The following CSNK1G3 variants were observed in gnomAD, a reference collection of about 807,000 sequenced individuals.
The protein encoded by CSNK1G3 is casein kinase 1 gamma 3.
In CSNK1G3, 23 loss-of-function variants were observed where a neutral mutation model predicts 64.3. The ratio of observed to expected loss-of-function variants is 0.36; its 90% CI spans 0.26 to 0.51. The LOEUF (loss-of-function observed/expected upper bound fraction) is 0.51, where lower values mean the gene tolerates loss of function less well. Among genes scored for constraint, CSNK1G3 ranks in the 20% least tolerant of loss-of-function variants. The pLI is 0.96. For synonymous variants in CSNK1G3, 158 were observed against 162.2 expected (o/e 0.97, Z 0.20); for missense variants, 357 against 510.5 (o/e 0.70, Z 2.90).
chr5:123,598,710 C>T (rs762032055), intron 10 of CSNK1G3, among the ~76,000 whole-genome samples: 9 of 152,044 alleles, frequency 5.9e-5, no homozygotes, highest in East Asian at 5.8e-4. Flanking sequence ...AAGGATCTAA[C>T]GGGTCTTGTT....
chr5:123,575,935 T>C lies in CSNK1G3; in HGVS notation c.645T>C (p.Tyr215=), dbSNP rs766134723. The C allele has an allele frequency of 1.7e-5, 28 of 1,611,950 alleles. No individual in the cohort carries two copies. In the East Asian group the frequency reaches 2.0e-4, roughly 12 times the overall value. ...AGAGCCTTACAGGAACAGCTAGATA[T>C]ATGAGCATAAACACACATTTAGGAA... The change falls in exon 6 of 13, where the codon TAT becomes TAC. Residue 215 remains tyrosine, a synonymous_variant. Transcript: ENST00000345990.
At chr5:123,584,446 C>T (rs112002135) in intron 6 of CSNK1G3, among the ~76,000 whole-genome samples, 1,567 of 152,154 alleles carry the variant, frequency 0.01, 34 homozygotes, top group African/African-American at 0.035. Context: ...ATTAATTTGG[C>T]GAATTACATT....
intron 3 of CSNK1G3, among the ~76,000 whole-genome samples, chr5:123,555,516 T>C (rs1260598046): frequency 1.3e-5 from 2 of 152,152 alleles, no homozygotes; most frequent in East Asian, 1.9e-4. Flanking sequence ...ATAACCTGAG[T>C]TCAGAGAGCA....
At chr5:123,523,929 A>G (rs1209389981) in intron 1 of CSNK1G3, among the ~76,000 whole-genome samples, 2 of 152,192 alleles carry the variant, frequency 1.3e-5, no homozygotes, top group East Asian at 1.9e-4. Context: ...AGCCTTCTCT[A>G]GAGGTGGTGT....
chr5:123,551,789 TA>T (rs146623033), intron 2 of CSNK1G3, among the ~76,000 whole-genome samples: 1 of 151,950 alleles, frequency 6.6e-6, no homozygotes. Flanking sequence ...CTCTCACTAT[TA>T]AAAAAAACCC....
chr5:123,564,350 C>G (rs1365096540), intron 4 of CSNK1G3, among the ~76,000 whole-genome samples: 1 of 151,958 alleles, frequency 6.6e-6, no homozygotes, highest in African/African-American at 2.4e-5. Context: ...AAGCAAAAAG[C>G]AAACCATACT....
intron 3 of CSNK1G3, among the ~76,000 whole-genome samples, chr5:123,556,250 G>A (rs1190693502): frequency 6.6e-6 from 1 of 152,084 alleles, no homozygotes; most frequent in East Asian, 1.9e-4. Flanking sequence ...TCATTATGAT[G>A]TGTTGGTGTA....
intron 10 of CSNK1G3, among the ~76,000 whole-genome samples, chr5:123,595,603 C>T (rs1456408956): frequency 2.0e-5 from 3 of 151,862 alleles, no homozygotes; most frequent in African/African-American, 7.3e-5. Flanking sequence ...CGAACATGAC[C>T]CTAATTTTTA....
At chr5:123,561,084 C>T (rs1289395586) in intron 4 of CSNK1G3, among the ~76,000 whole-genome samples, 1 of 152,108 alleles carries the variant, frequency 6.6e-6, no homozygotes, top group Non-Finnish European at 1.5e-5. Flanking sequence ...GGTTTTGATC[C>T]TCCTGTAAAT....
In CSNK1G3 at chr5:123,543,487, C is replaced by T. The variant is rs1782019134; in HGVS notation, c.-247-1930C>T. Among the ~76,000 whole-genome samples the T allele has an allele frequency of 2.0e-5, 3 of 152,102 alleles. No homozygotes were observed. The South Asian group carries it at 6.2e-4, about 31-fold the overall frequency. The stretch of plus-strand genomic sequence containing the variant: ...CCTTGTACACATGTAGCCTAGCCTT[C>T]TGCCCTACCACCACCTTACCGCACC... On this transcript the variant is annotated intron_variant, in intron 1 of 12. Coordinates refer to ENST00000345990, the Ensembl canonical transcript of CSNK1G3.
intron 12 of CSNK1G3, among the ~76,000 whole-genome samples, chr5:123,611,317 T>A (rs1380212082): frequency 6.6e-6 from 1 of 152,228 alleles, no homozygotes; most frequent in Non-Finnish European, 1.5e-5. Context: ...GTAACTTTAA[T>A]AGCATGCCAG....
intron 1 of CSNK1G3, among the ~76,000 whole-genome samples, chr5:123,516,375 A>G (rs762610562): frequency 1.3e-5 from 2 of 152,214 alleles, no homozygotes; most frequent in Admixed American, 6.5e-5. Context: ...GGAATGGGAG[A>G]TAAATGTAGA....
chr5:123,602,556 A>G (rs1794683960), intron 10 of CSNK1G3, among the ~76,000 whole-genome samples: 1 of 152,150 alleles, frequency 6.6e-6, no homozygotes, highest in African/African-American at 2.4e-5. Context: ...TATTTCATTT[A>G]AAGAGATTAG....
At position 123,604,712 on chromosome 5, in the gene CSNK1G3, T is replaced by C. The variant is rs1363519180; in HGVS notation, c.1087-12T>C. On this transcript the variant is annotated splice_polypyrimidine_tract_variant and intron_variant, in intron 10 of 12. Coordinates refer to ENST00000345990, the Ensembl canonical transcript of CSNK1G3. ...TACATATACATATATAAAAAATTTTTTTTTCAAACAGGTTGTAAGTTCTAC... is the reference window on the plus strand; with the variant it reads ...TACATATACATATATAAAAAATTTTCTTTTCAAACAGGTTGTAAGTTCTAC... 2 of 1,585,518 alleles carry C rather than the reference T, an allele frequency of 1.3e-6. No individual in the cohort carries two copies. The highest frequency in any genetic ancestry group is 1.7e-6 in the Non-Finnish European group (2 of 1,161,998).
chr5:123,604,845 TACTTGTTTTAGTA>T lies in CSNK1G3; in HGVS notation c.1193+20_1193+32del, dbSNP rs1297304226. 1.1e-5 allele frequency: 17 copies of T among 1,555,792 alleles called. No individual in the cohort carries two copies. The highest frequency in any genetic ancestry group is 1.5e-5 in the Non-Finnish European group (17 of 1,136,354). On this transcript the variant is annotated intron_variant, in intron 11 of 12. Transcript: ENST00000345990. ...GATGAAACCAAGTATGTGTTTGTTT[TACTTGTTTTAGTA>T]ACTTTTTGTTCTTAAATTATGCATG...
At chr5:123,549,543 T>G (rs1783238359) in intron 2 of CSNK1G3, among the ~76,000 whole-genome samples, 1 of 152,214 alleles carries the variant, frequency 6.6e-6, no homozygotes, top group Non-Finnish European at 1.5e-5. Context: ...CCCATTCTTA[T>G]AGCCCAAAAG....
intron 10 of CSNK1G3, among the ~76,000 whole-genome samples, 156 bp downstream of exon 11, chr5:123,595,290 C>A (rs1252670612): frequency 2.0e-5 from 3 of 152,004 alleles, no homozygotes; most frequent in African/African-American, 4.8e-5. Context: ...ACCAGAAAAA[C>A]CAAAATTAAC....
At chr5:123,520,294 A>G (rs954706237) in intron 1 of CSNK1G3, among the ~76,000 whole-genome samples, 1 of 152,140 alleles carries the variant, frequency 6.6e-6, no homozygotes, top group African/African-American at 2.4e-5. Flanking sequence ...ACATATATGT[A>G]TGGGTTGTAA....
Position 123,539,242 on chromosome 5 carries a change from G to T in CSNK1G3, c.-247-6175G>T, listed in dbSNP as rs1458148879. 2.6e-5 allele frequency among the ~76,000 whole-genome samples: 4 copies of T among 151,890 alleles called. No homozygotes were observed. In the South Asian group the frequency reaches 6.2e-4, roughly 24 times the overall value. On this transcript the variant is annotated intron_variant, in intron 1 of 12. Transcript: ENST00000345990. ...GGCGGGTATATTGCTTGAGCCTGGGGGTTTGAGACCAGCCTGGGCAACATG... is the reference window on the plus strand; with the variant it reads ...GGCGGGTATATTGCTTGAGCCTGGGTGTTTGAGACCAGCCTGGGCAACATG...
Sources: gnomAD v4.1 joint callset for allele counts (sites outside exome capture counted in the v4.1 genomes callset) on GRCh38, gnomAD v4.1.1 for gene constraint, MANE v1.5 for transcripts, NCBI Gene and HGNC (gene_info 2026-07-23, HGNC 2026-07-21) for gene names.